MAPK10: variants seen among roughly 807,000 people sequenced by gnomAD.
MAPK10 encodes JNK3 alpha protein kinase.
Under a neutral mutation model 59.3 loss-of-function variants are expected in MAPK10, and 25 were observed. The observed-to-expected ratio is 0.42, with a 90% confidence interval of 0.31 to 0.59. The LOEUF is 0.59. Among genes scored for constraint, MAPK10 ranks in the 20% least tolerant of loss-of-function variants. The pLI, the probability that MAPK10 is intolerant of heterozygous loss-of-function variation, is 0.15. For synonymous variants in MAPK10, 190 were observed against 200.5 expected, an observed-to-expected ratio of 0.95 and a Z score of 0.44; for missense variants, 351 against 568.9, an observed-to-expected ratio of 0.62 and a Z score of 3.90.
At chr4:86,377,681 A>G (rs897125828) in intron 1 of MAPK10, among the ~76,000 whole-genome samples, 1 of 152,204 alleles carries the variant, frequency 6.6e-6, no homozygotes, top group Non-Finnish European at 1.5e-5. Flanking sequence ...CAATATTAGG[A>G]ATAAACATTT....
intron 2 of MAPK10, among the ~76,000 whole-genome samples, chr4:86,248,771 C>T (rs990798042): frequency 6.6e-6 from 1 of 152,160 alleles, no homozygotes; most frequent in African/African-American, 2.4e-5. Flanking sequence ...GAGAAACAGA[C>T]TGAAAACACC....
At position 86,397,974 on chromosome 4, in the gene MAPK10, G is replaced by A. The variant is rs959564164; in HGVS notation, c.-121-43330C>T. ...AGTGGGTACAGAGAACTCGTAACAT[G>A]CAATACTCTGAAACTTTTGAACTAC... On this transcript the variant is annotated intron_variant, in intron 1 of 13. Transcript: ENST00000361569. Among the ~76,000 whole-genome samples the A allele has an allele frequency of 2.0e-5, 3 of 150,014 alleles. No individual in the cohort carries two copies. In the East Asian group the frequency reaches 5.9e-4, roughly 29 times the overall value.
At chr4:86,311,606 C>T (rs1462159271) in intron 2 of MAPK10, among the ~76,000 whole-genome samples, 1 of 152,006 alleles carries the variant, frequency 6.6e-6, no homozygotes, top group Admixed American at 6.6e-5. Context: ...GTTTCTACCC[C>T]AAGTATGATG....
At chr4:86,075,289 A>G (rs961542003) in intron 9 of MAPK10, among the ~76,000 whole-genome samples, 28 of 152,022 alleles carry the variant, frequency 1.8e-4, no homozygotes, top group African/African-American at 6.7e-4. Flanking sequence ...CTAGTTATAC[A>G]TTCTTCTAAA....
intron 4 of MAPK10, among the ~76,000 whole-genome samples, chr4:86,136,769 T>C (rs923302504): frequency 9.9e-5 from 15 of 151,714 alleles, no homozygotes; most frequent in Non-Finnish European, 1.5e-4. Flanking sequence ...GACCCAACAG[T>C]GTGCTGTATT....
intron 2 of MAPK10, among the ~76,000 whole-genome samples, chr4:86,319,918 C>T (rs1175014959): frequency 6.6e-6 from 1 of 152,228 alleles, no homozygotes; most frequent in African/African-American, 2.4e-5. Flanking sequence ...CTACTCTCTC[C>T]CTCACTCCTG....
At chr4:86,433,087 T>C (rs1176011109) in intron 1 of MAPK10, among the ~76,000 whole-genome samples, 1 of 152,078 alleles carries the variant, frequency 6.6e-6, no homozygotes, top group African/African-American at 2.4e-5. Flanking sequence ...TTTCCAGAAA[T>C]TGTAACCAGC....
At chr4:86,348,103 T>A (rs1218581776) in intron 2 of MAPK10, among the ~76,000 whole-genome samples, 1 of 152,206 alleles carries the variant, frequency 6.6e-6, no homozygotes, top group Non-Finnish European at 1.5e-5. Flanking sequence ...TCTCTTCACT[T>A]TGATTGTTAC....
At chr4:86,236,615 G>C (rs1194026603) in intron 2 of MAPK10, among the ~76,000 whole-genome samples, 1 of 152,186 alleles carries the variant, frequency 6.6e-6, no homozygotes, top group African/African-American at 2.4e-5. Context: ...GCTAGAATTA[G>C]AGGGATTCAG....
intron 2 of MAPK10, among the ~76,000 whole-genome samples, chr4:86,346,748 AAAAAC>A (rs78564069): frequency 9.0e-6 from 1 of 110,802 alleles, no homozygotes; most frequent in East Asian, 2.6e-4. Context: ...AAAAAAAAAA[AAAAAC>A]ACATCTAAGT....
chr4:86,054,319 C>CT (rs1196609876), intron 11 of MAPK10, among the ~76,000 whole-genome samples: 6 of 152,122 alleles, frequency 3.9e-5, no homozygotes, highest in Non-Finnish European at 8.8e-5. Context: ...GTGGCTAACT[C>CT]TATCTACAAC....
In MAPK10 at chr4:86,107,356, T is replaced by C. The variant is rs1297670703; in HGVS notation, c.237-4A>G. The C allele has an allele frequency of 6.2e-7, 1 of 1,607,466 alleles. No individual in the cohort carries two copies. Among genetic ancestry groups the C allele is most frequent in the Non-Finnish European group, 8.5e-7 (1 of 1,177,834 alleles). ...AAGGACAGCATCATACGCGGCACTG[T>C]AGAGATCCAAGAGCAACTCAGAATT... On this transcript the variant is annotated splice_polypyrimidine_tract_variant and splice_region_variant and intron_variant, in intron 4 of 13. Transcript: ENST00000641462.
At chr4:86,174,845 T>G (rs2075314255) in intron 3 of MAPK10, among the ~76,000 whole-genome samples, 1 of 152,176 alleles carries the variant, frequency 6.6e-6, no homozygotes, top group Non-Finnish European at 1.5e-5. Flanking sequence ...ATTTTGGTCA[T>G]AAAATGTGCC....
rs139110551 is a variant in MAPK10, at chr4:86,486,871, A to C, written c.-263+107039T>G. Reference sequence around the variant, plus strand: ...AACATCACCAGTGAGGGGCAGACAGACACTATGTGCCTGAAACACAGTACT... The same window carrying C: ...AACATCACCAGTGAGGGGCAGACAGCCACTATGTGCCTGAAACACAGTACT... On this transcript the variant is annotated intron_variant, in intron 1 of 4. Coordinates refer to the MAPK10 transcript ENST00000502302. 2.5e-3 allele frequency among the ~76,000 whole-genome samples: 376 copies of C among 152,356 alleles called. 3 individuals carry two copies. Among genetic ancestry groups the C allele is most frequent in the African/African-American group, 8.3e-3 (345 of 41,580 alleles).
intron 11 of MAPK10, among the ~76,000 whole-genome samples, chr4:86,041,901 A>G (rs1286534917): frequency 6.6e-6 from 1 of 152,238 alleles, no homozygotes; most frequent in Admixed American, 6.5e-5. Flanking sequence ...TGTGGAAGAC[A>G]ATGTAGTGAT....
At chr4:86,079,456 T>G (rs1484456148) in intron 9 of MAPK10, 1 of 152,194 alleles carries the variant, frequency 6.6e-6, no homozygotes, top group African/African-American at 2.4e-5. Context: ...CTTACAAGAC[T>G]AATTTTTTAC....
At chr4:86,047,471 A>C (rs2042717698) in intron 11 of MAPK10, among the ~76,000 whole-genome samples, 1 of 152,144 alleles carries the variant, frequency 6.6e-6, no homozygotes, top group Admixed American at 6.5e-5. Context: ...GGGAAGCCTA[A>C]AGGTGATATC....
At chr4:86,390,391 CT>C (rs566409689) in intron 1 of MAPK10, among the ~76,000 whole-genome samples, 32 of 152,224 alleles carry the variant, frequency 2.1e-4, no homozygotes, top group Non-Finnish European at 4.4e-4. Context: ...CTTTTGACAC[CT>C]TAGAATGTAG....
chr4:86,130,543 A>G (rs2060817472), intron 4 of MAPK10, among the ~76,000 whole-genome samples: 1 of 152,206 alleles, frequency 6.6e-6, no homozygotes, highest in Non-Finnish European at 1.5e-5. Flanking sequence ...TCTTGAGGTG[A>G]CCAAATGAAA....
Sources: gnomAD v4.1 joint callset for allele counts (sites outside exome capture counted in the v4.1 genomes callset) on GRCh38, gnomAD v4.1.1 for gene constraint, MANE v1.5 for transcripts, NCBI Gene and HGNC (gene_info 2026-07-23, HGNC 2026-07-21) for gene names.